Variants in NME7 observed in about 807,000 individuals in gnomAD.
NME7 encodes the protein nucleoside diphosphate kinase 7.
In NME7, 41 loss-of-function variants were observed where a neutral mutation model predicts 49.1. That is an observed-to-expected ratio of 0.83 (90% CI 0.65 to 1.08). The LOEUF (loss-of-function observed/expected upper bound fraction) is 1.08, where lower values mean the gene tolerates loss of function less well. NME7 is among the 50% of genes least tolerant of loss of function. The probability of loss-of-function intolerance (pLI) is 0.00; values close to 1 mark genes in which losing one functional copy is unlikely to be tolerated. For missense variants in NME7, 423 were observed against 463.4 expected (o/e 0.91, Z 0.80); for synonymous variants, 139 against 150.6 (o/e 0.92, Z 0.56).
chr1:169,230,664 T>C, intron 10 of NME7, 54 bp downstream of exon 10: 2 of 1,223,806 alleles, frequency 1.6e-6, no homozygotes, highest in Non-Finnish European at 2.2e-6. Context: ...TTAAACCTGT[T>C]AAAATAGTGA....
intron 1 of NME7, among the ~76,000 whole-genome samples, chr1:169,344,602 G>C (rs1239920617): frequency 4.6e-5 from 7 of 152,110 alleles, no homozygotes. Flanking sequence ...ATTTTGTAAA[G>C]TGTTTTTCTG....
At chr1:169,148,966 C>T (rs1658833429) in intron 11 of NME7, among the ~76,000 whole-genome samples, 1 of 152,218 alleles carries the variant, frequency 6.6e-6, no homozygotes, top group African/African-American at 2.4e-5. Context: ...ATATTCTATA[C>T]CAATGCTCTT....
intron 10 of NME7, among the ~76,000 whole-genome samples, chr1:169,183,107 ACT>A (rs1218105183): frequency 6.6e-6 from 1 of 152,246 alleles, no homozygotes; most frequent in African/African-American, 2.4e-5. Context: ...GGATAATATT[ACT>A]GTTTCATCAC....
At chr1:169,328,078 A>G (rs1377924771) in intron 1 of NME7, among the ~76,000 whole-genome samples, 2 of 152,168 alleles carry the variant, frequency 1.3e-5, no homozygotes, top group African/African-American at 2.4e-5. Context: ...CACCAATCTG[A>G]TAAGTCTGCT....
In NME7 at chr1:169,278,685, G is replaced by A. The variant is rs548710115; in HGVS notation, c.754+8618C>T. Among the ~76,000 whole-genome samples, 94 of 152,294 alleles carry A rather than the reference G, an allele frequency of 6.2e-4. 1 individual carries two copies. The highest frequency in any genetic ancestry group is 1.9e-3 in the South Asian group (9 of 4,826). ...ATCATGTGAAGCCTTCTCTCAACTC[G>A]TCAAAGTCATTCTCCATCCAGCTTT... On this transcript the variant is annotated intron_variant, in intron 7 of 11. Coordinates refer to ENST00000367811, the MANE Select transcript of NME7 (RefSeq NM_013330.5).
At chr1:169,296,879 A>AT (rs1650728880) in intron 6 of NME7, among the ~76,000 whole-genome samples, 1 of 151,936 alleles carries the variant, frequency 6.6e-6, no homozygotes, top group African/African-American at 2.4e-5. Flanking sequence ...TACTTCTTTC[A>AT]TTATTACCAC....
intron 7 of NME7, among the ~76,000 whole-genome samples, chr1:169,253,244 G>A (rs201380475): frequency 0.063 from 9,223 of 145,882 alleles, 963 homozygotes; most frequent in East Asian, 0.61. Context: ...TCCTTGAGCA[G>A]TGGTTTGTAG....
chr1:169,159,501 A>G (rs1659180705), intron 11 of NME7, among the ~76,000 whole-genome samples: 1 of 152,142 alleles, frequency 6.6e-6, no homozygotes, highest in African/African-American at 2.4e-5. Flanking sequence ...GGAGGCCATT[A>G]TATTCACCTC....
intron 10 of NME7, among the ~76,000 whole-genome samples, chr1:169,229,960 TAAA>T (rs1021022044): frequency 7.2e-6 from 1 of 139,218 alleles, no homozygotes; most frequent in Non-Finnish European, 1.6e-5. Flanking sequence ...AGACTCCATC[TAAA>T]AAAAAAAAAA....
intron 7 of NME7, among the ~76,000 whole-genome samples, chr1:169,245,048 G>A (rs577563930): frequency 1.3e-5 from 2 of 152,310 alleles, no homozygotes; most frequent in Non-Finnish European, 2.9e-5. Context: ...AGAATCGCTT[G>A]AACCCAGGAG....
intron 4 of NME7, among the ~76,000 whole-genome samples, chr1:169,306,324 T>C (rs1237442198): frequency 1.3e-5 from 2 of 152,140 alleles, no homozygotes; most frequent in African/African-American, 2.4e-5. Flanking sequence ...TTCATTCTAA[T>C]GGCAATAAGA....
At chr1:169,191,049 T>G (rs1660214536) in intron 10 of NME7, among the ~76,000 whole-genome samples, 1 of 63,054 alleles carries the variant, frequency 1.6e-5, no homozygotes, top group African/African-American at 4.5e-5. Context: ...CCTGACCTCG[T>G]GATCCACCCG....
At chr1:169,325,047 A>C (rs115030121) in intron 1 of NME7, among the ~76,000 whole-genome samples, 2,246 of 152,242 alleles carry the variant, frequency 0.015, 22 homozygotes, top group Middle Eastern at 0.02. Flanking sequence ...AGGACCTCTG[A>C]AAATGAATGT....
chr1:169,358,904 T>A (rs1490385830), intron 1 of NME7, among the ~76,000 whole-genome samples: 2 of 152,272 alleles, frequency 1.3e-5, no homozygotes, highest in East Asian at 3.9e-4. Flanking sequence ...CACCTAGTTA[T>A]TTCCTTTTTA....
chr1:169,292,115 G>C (rs1650531470), intron 6 of NME7, among the ~76,000 whole-genome samples: 1 of 152,116 alleles, frequency 6.6e-6, no homozygotes, highest in East Asian at 1.9e-4. Context: ...TCAGCATAAT[G>C]CTGGAAGAAT....
intron 1 of NME7, among the ~76,000 whole-genome samples, chr1:169,355,213 TATATATTATAGATATAATATATA>T (rs1653400035): frequency 1.9e-5 from 1 of 52,426 alleles, no homozygotes; most frequent in African/African-American, 6.7e-5. Flanking sequence ...TAATATATAT[TATATATTATAGATATAATATATA>T]ATATATTATA....
intron 11 of NME7, among the ~76,000 whole-genome samples, chr1:169,158,734 G>A (rs1659155434): frequency 6.6e-6 from 1 of 152,086 alleles, no homozygotes; most frequent in African/African-American, 2.4e-5. Context: ...ACAGATTCCT[G>A]GGTCAAATCC....
At position 169,311,844 on chromosome 1, in the gene NME7, C is replaced by T. The variant is rs116106610; in HGVS notation, c.279-1764G>A. On this transcript the variant is annotated intron_variant, in intron 3 of 11. Coordinates refer to ENST00000367811, the MANE Select transcript of NME7 (RefSeq NM_013330.5). ...AATCTGATTTTCTCTTAAATGCCTA[C>T]AAGAGACAAAGGATTGACTATGTGA... Among the ~76,000 whole-genome samples, 303 of 152,264 alleles carry T rather than the reference C, an allele frequency of 2.0e-3. 4 individuals carry two copies. The highest frequency in any genetic ancestry group is 7.1e-3 in the African/African-American group (294 of 41,560).
intron 10 of NME7, among the ~76,000 whole-genome samples, chr1:169,230,185 A>AC (rs1374633119): frequency 1.3e-5 from 2 of 151,952 alleles, no homozygotes; most frequent in Non-Finnish European, 1.5e-5. Context: ...TCTACTTGTC[A>AC]CCCCCCTACA....
Sources: allele counts gnomAD v4.1 joint callset (sites outside exome capture counted in the v4.1 genomes callset), GRCh38; gene constraint gnomAD v4.1.1; transcripts MANE v1.5; gene names NCBI Gene and HGNC (gene_info 2026-07-23, HGNC 2026-07-21).